Variants in PPP1R12A observed in about 807,000 individuals in gnomAD.
PPP1R12A encodes the protein protein phosphatase 1 regulatory subunit 12A, also known as myosin binding subunit.
A neutral mutation model predicts 139.6 loss-of-function variants in PPP1R12A; 19 were observed. The ratio of observed to expected loss-of-function variants is 0.14; its 90% CI spans 0.09 to 0.20. The LOEUF is 0.20. PPP1R12A is among the 10% of genes least tolerant of loss of function. The probability of loss-of-function intolerance (pLI) is 1.00; values close to 1 mark genes in which losing one functional copy is unlikely to be tolerated. For synonymous variants in PPP1R12A, 427 were observed against 420.6 expected, an observed-to-expected ratio of 1.02 and a Z score of -0.19; for missense variants, 925 against 1,211.5, an observed-to-expected ratio of 0.76 and a Z score of 3.51.
chr12:79,780,885 CATT>C (rs1217781345), intron 23 of PPP1R12A: 2 of 152,076 alleles, frequency 1.3e-5, no homozygotes, highest in Non-Finnish European at 2.9e-5. Context: ...AAATGACAGA[CATT>C]ATAACACTAT....
At chr12:79,880,419 G>A (rs1450520146) in intron 1 of PPP1R12A, among the ~76,000 whole-genome samples, 1 of 152,186 alleles carries the variant, frequency 6.6e-6, no homozygotes, top group Admixed American at 6.5e-5. Flanking sequence ...GTGGTAGACA[G>A]TATCTGTAAG....
intron 1 of PPP1R12A, among the ~76,000 whole-genome samples, chr12:79,880,099 T>C (rs1187936287): frequency 1.3e-5 from 2 of 152,146 alleles, no homozygotes; most frequent in African/African-American, 4.8e-5. Context: ...TTTCATATTA[T>C]ATATACTAAA....
chr12:79,808,190 C>A (rs942499019), intron 11 of PPP1R12A, among the ~76,000 whole-genome samples: 7 of 151,958 alleles, frequency 4.6e-5, no homozygotes, highest in Non-Finnish European at 8.8e-5. Context: ...CTTCTTCTTT[C>A]CCCTTTCCTA....
chr12:79,840,958 C>A (rs1011566251), intron 3 of PPP1R12A, among the ~76,000 whole-genome samples: 3 of 151,906 alleles, frequency 2.0e-5, no homozygotes, highest in Non-Finnish European at 4.4e-5. Flanking sequence ...TCCTACAAAT[C>A]CCGCCCTGAC....
chr12:79,877,929 T>G (rs1242873350), intron 1 of PPP1R12A, among the ~76,000 whole-genome samples: 1 of 152,166 alleles, frequency 6.6e-6, no homozygotes, highest in Non-Finnish European at 1.5e-5. Context: ...CCCTACTTGA[T>G]AATTATATGT....
chr12:79,909,643 G>C (rs1886399576), intron 1 of PPP1R12A, among the ~76,000 whole-genome samples: 1 of 151,466 alleles, frequency 6.6e-6, no homozygotes, highest in African/African-American at 2.4e-5. Context: ...GCTGAGGCAG[G>C]AGAATCGTTG....
intron 5 of PPP1R12A, among the ~76,000 whole-genome samples, chr12:79,823,473 G>A (rs570878404): frequency 1.3e-5 from 2 of 152,132 alleles, no homozygotes; most frequent in African/African-American, 4.8e-5. Flanking sequence ...ATGTTAACAT[G>A]TATTCAGAAA....
chr12:79,834,341 T>C (rs1407378396), intron 3 of PPP1R12A, among the ~76,000 whole-genome samples: 1 of 152,188 alleles, frequency 6.6e-6, no homozygotes, highest in East Asian at 1.9e-4. Flanking sequence ...ACAGGGTCTC[T>C]ACAGAGTAGT....
intron 8 of PPP1R12A, among the ~76,000 whole-genome samples, chr12:79,818,180 C>T (rs1669648690): frequency 1.3e-5 from 2 of 152,154 alleles, no homozygotes; most frequent in African/African-American, 2.4e-5. Flanking sequence ...GACAAAATAC[C>T]TTCACTTGCA....
At chr12:79,800,330 G>A (rs931115534) in intron 14 of PPP1R12A, among the ~76,000 whole-genome samples, 6 of 151,994 alleles carry the variant, frequency 3.9e-5, no homozygotes, top group African/African-American at 1.5e-4. Flanking sequence ...GTGTGAAGAC[G>A]AAGAGAATTC....
In PPP1R12A at chr12:79,863,989, C is replaced by G. The variant is rs185966814; in HGVS notation, c.368+8819G>C. Among the ~76,000 whole-genome samples the G allele has an allele frequency of 1.6e-4, 24 of 152,178 alleles. No homozygotes were observed. The East Asian group carries it at 4.4e-3, about 28-fold the overall frequency. ...GAACTCAGCTCTGGACCAAGAAGAC[C>G]GAATAGACATCTACAGAACTCTCCA... is the stretch of plus-strand genomic sequence containing the variant. On this transcript the variant is annotated intron_variant, in intron 2 of 24. Transcript: ENST00000450142.
chr12:79,901,946 G>A (rs1182747653), intron 1 of PPP1R12A, among the ~76,000 whole-genome samples: 1 of 152,186 alleles, frequency 6.6e-6, no homozygotes, highest in East Asian at 1.9e-4. Flanking sequence ...ATAAGGGATG[G>A]AAAGACTGTT....
rs1250562094 is a variant in PPP1R12A at position 79,788,811 on chromosome 12, C to A, written c.2667-28G>T. On this transcript the variant is annotated intron_variant, in intron 20 of 24. Transcript: ENST00000450142. ...TCAAAAGATTAATTTAAATAAAAAA[C>A]CTTGTTATAGGCTTTTACAATTATA... 1.9e-6 allele frequency: 3 copies of A among 1,542,240 alleles called. No individual in the cohort carries two copies. The South Asian group carries it at 3.6e-5, about 19-fold the overall frequency.
chr12:79,910,470 C>CAAATAAAT (rs10583469), intron 1 of PPP1R12A, among the ~76,000 whole-genome samples: 3 of 148,982 alleles, frequency 2.0e-5, no homozygotes, highest in South Asian at 2.1e-4. Flanking sequence ...ACGACTCCGT[C>CAAATAAAT]AAATAAATAA....
intron 3 of PPP1R12A, among the ~76,000 whole-genome samples, chr12:79,836,901 C>G (rs908540872): frequency 2.0e-5 from 3 of 152,164 alleles, no homozygotes; most frequent in Admixed American, 6.5e-5. Context: ...TGTACTCCCT[C>G]AGGGTAGACA....
At chr12:79,934,595 CCG>C (rs1888528217) in intron 1 of PPP1R12A, 98 bp downstream of exon 1, 20 of 1,141,566 alleles carry the variant, frequency 1.8e-5, no homozygotes, top group Non-Finnish European at 2.1e-5. Context: ...GAGTCTCCCG[CCG>C]CCCCCAGCCT....
intron 5 of PPP1R12A, among the ~76,000 whole-genome samples, chr12:79,827,434 C>T (rs1415050239): frequency 6.6e-6 from 1 of 152,068 alleles, no homozygotes; most frequent in African/African-American, 2.4e-5. Context: ...TGCTACATAA[C>T]CTATGATATT....
At chr12:79,903,794 G>C (rs2137486519) in intron 1 of PPP1R12A, among the ~76,000 whole-genome samples, 1 of 152,126 alleles carries the variant, frequency 6.6e-6, no homozygotes, top group East Asian at 1.9e-4. Flanking sequence ...ATACAATCAT[G>C]AACTCACAGC....
At chr12:79,845,549 T>A (rs905095769) in intron 2 of PPP1R12A, 129 bp from the exon 3 acceptor site, 21 of 656,426 alleles carry the variant, frequency 3.2e-5, no homozygotes, top group Non-Finnish European at 5.0e-5. Flanking sequence ...ATTTAAATTT[T>A]AAAAAACTAT....
Sources: allele counts gnomAD v4.1 joint callset (sites outside exome capture counted in the v4.1 genomes callset), GRCh38; gene constraint gnomAD v4.1.1; transcripts MANE v1.5; gene names NCBI Gene and HGNC (gene_info 2026-07-23, HGNC 2026-07-21).